Variants in GNS observed in about 807,000 individuals in gnomAD.
GNS encodes the protein glucosamine (N-acetyl)-6-sulfatase.
GNS carries 40 observed loss-of-function variants against 69.7 expected under a neutral mutation model. That is an observed-to-expected ratio of 0.57 (90% CI 0.45 to 0.75). GNS has a LOEUF of 0.75. Ranked by LOEUF, GNS falls within the 30% of genes least tolerant of loss-of-function variation. The pLI, the probability that GNS is intolerant of heterozygous loss-of-function variation, is 0.00. For synonymous variants in GNS, 243 were observed against 251.6 expected (o/e 0.97, Z 0.32); for missense variants, 565 against 685.5 (o/e 0.82, Z 1.96).
chr12:64,750,769 G>A (rs1870051067), intron 2 of GNS, among the ~76,000 whole-genome samples: 1 of 152,016 alleles, frequency 6.6e-6, no homozygotes, highest in Admixed American at 6.5e-5. Flanking sequence ...GGCCAAGTGT[G>A]GTGATGCATG....
Position 64,759,226 on chromosome 12 carries a change from G to A in GNS, c.51C>T (p.Arg17=). The change falls in exon 1 of 14, where the codon CGC becomes CGT. Residue 17 remains arginine (R), a synonymous_variant. Transcript: ENST00000258145. The part of the protein sequence containing the change: ...APGRLRRGSP[R]HLPSCSPALL... ...GCGCTGGGCTGCAGGAGGGCAGGTG[G>A]CGGGGGCTGCCCCGCCGGAGCCGAC... 1 of 1,545,196 alleles carries A rather than the reference G, an allele frequency of 6.5e-7. No homozygotes were observed. Among genetic ancestry groups the A allele is most frequent in the Non-Finnish European group, 8.7e-7 (1 of 1,144,662 alleles).
At chr12:64,743,099 T>C (rs771417219) in intron 6 of GNS, 42 bp downstream of exon 6, 2 of 1,451,168 alleles carry the variant, frequency 1.4e-6, no homozygotes, top group Non-Finnish European at 1.9e-6. Flanking sequence ...ATATAGTTAA[T>C]GATACTTAGT....
chr12:64,741,063 AGGGCGT>A (rs1869716540), intron 6 of GNS, among the ~76,000 whole-genome samples: 1 of 142,962 alleles, frequency 7.0e-6, no homozygotes, highest in Admixed American at 6.9e-5. Context: ...ATGGGCAAAT[AGGGCGT>A]AGTGGCGGGC....
At chr12:64,732,185 T>TTTTTTA (rs1869421159) in intron 9 of GNS, among the ~76,000 whole-genome samples, 1 of 131,068 alleles carries the variant, frequency 7.6e-6, no homozygotes, top group East Asian at 2.3e-4. Context: ...TTTTTTTTTT[T>TTTTTTA]GAGACGGAGT....
intron 13 of GNS, among the ~76,000 whole-genome samples, chr12:64,718,129 C>T (rs1371699876): frequency 1.3e-5 from 2 of 152,028 alleles, no homozygotes; most frequent in African/African-American, 4.8e-5. Context: ...GGTCTGATGA[C>T]CCCATTTTGG....
Position 64,741,206 on chromosome 12 carries a change from C to CAA in GNS, c.793-520_793-519dup, listed in dbSNP as rs574433285. ...TGGGCGACAGAGCGAGACTCCGTCT[C>CAA]AAAAAAAAAAAAAAAAAAGAAAATG... On this transcript the variant is annotated intron_variant, in intron 6 of 13. Transcript: ENST00000258145. 2.8e-5 allele frequency among the ~76,000 whole-genome samples: 3 copies of CAA among 105,516 alleles called. 1 individual carries two copies. The highest frequency in any genetic ancestry group is 6.8e-5 in the Non-Finnish European group (3 of 43,936). The allele number at this position is 105,516 out of a possible 152,430, so 69.2% of individuals were successfully genotyped here. A position where few individuals can be genotyped will look rare whatever the true frequency, so the allele number is the denominator to read the frequency against.
Position 64,752,723 on chromosome 12 carries a change from T to C in GNS, c.227A>G (p.Glu76Gly), listed in dbSNP as rs1870117172. The C allele has an allele frequency of 2.6e-6, 4 of 1,537,922 alleles. No individual in the cohort carries two copies. Residue 76 changes from glutamate to glycine, a missense_variant, in exon 2 of 14, where the codon GAG becomes GGG. Physicochemically the swap from Glu to Gly is moderately conservative, Grantham distance 98 (BLOSUM62 -2). Coordinates refer to ENST00000258145, the MANE Select transcript of GNS (RefSeq NM_002076.4). ...AGCACTGGAAAAAGTCATCCCCATCTCTCCGATGAGAGCTTTGGTTTTCTT... is the reference window on the plus strand; with the variant it reads ...AGCACTGGAAAAAGTCATCCCCATCCCTCCGATGAGAGCTTTGGTTTTCTT... The part of the protein sequence containing the change: ...PLKKTKALIG[E>G]MGMTFSSAYV...
rs898753822 is a variant in GNS at position 64,714,345 on chromosome 12, A to C, written c.*2396T>G. ...CTCACCTTCTTAACATGGAAAATCA[A>C]AATCTAAATGAATACAATTAAAAGG... On this transcript the variant is annotated 3_prime_UTR_variant, in exon 14 of 14. Transcript: ENST00000258145. 1 of 152,216 alleles carries C rather than the reference A, an allele frequency of 6.6e-6. No individual in the cohort carries two copies. The allele number at this position is 152,216 out of a possible 1,614,324, so 9.4% of individuals were successfully genotyped here.
Position 64,743,219 on chromosome 12 carries a change from C to T in GNS, c.714G>A (p.Trp238Ter). Residue 238 changes from tryptophan to a stop codon, truncating the protein, a stop_gained, in exon 6 of 14, where the codon TGG becomes TGA. Coordinates refer to ENST00000258145, the MANE Select transcript of GNS (RefSeq NM_002076.4). LOFTEE classifies it high-confidence loss of function. Reference sequence around the variant, plus strand: ...CCTTCTGGTACTGAGGTGCAGCTGTCCAAGGCGAATGAGGCGCTGGAGTGG... The same window carrying T: ...CCTTCTGGTACTGAGGTGCAGCTGTTCAAGGCGAATGAGGCGCTGGAGTGG... ...MIATPAPHSP[W>*]TAAPQYQKAF... The T allele has an allele frequency of 1.2e-6, 2 of 1,613,128 alleles. No homozygotes were observed. The highest frequency in any genetic ancestry group is 1.7e-6 in the Non-Finnish European group (2 of 1,179,152).
Position 64,713,936 on chromosome 12 carries a change from C to T in GNS, c.*2805G>A, listed in dbSNP as rs1451543644. On this transcript the variant is annotated 3_prime_UTR_variant, in exon 14 of 14. Coordinates refer to ENST00000258145, the MANE Select transcript of GNS (RefSeq NM_002076.4). ...CACCTGAGGTCAGGAGTTAATCAGCCTGGCCAACATGGTGAAACCCCGTCT... is the reference window on the plus strand; with the variant it reads ...CACCTGAGGTCAGGAGTTAATCAGCTTGGCCAACATGGTGAAACCCCGTCT... 6.6e-6 allele frequency: 1 copy of T among 152,128 alleles called. No homozygotes were observed. Among genetic ancestry groups the T allele is most frequent in the African/African-American group, 2.4e-5 (1 of 41,420 alleles). The allele number at this position is 152,128 out of a possible 1,614,324, so 9.4% of individuals were successfully genotyped here. A position where few individuals can be genotyped will look rare whatever the true frequency, so the allele number is the denominator to read the frequency against.
At chr12:64,739,563 C>CAA in intron 7 of GNS, 64 bp from the exon 8 acceptor site, 12 of 378,606 alleles carry the variant, frequency 3.2e-5, no homozygotes, top group South Asian at 1.5e-4. Flanking sequence ...CACTATCTTG[C>CAA]CAAAAAAAAA....
intron 13 of GNS, 34 bp from the exon 14 acceptor site, chr12:64,716,853 T>C: frequency 8.0e-7 from 1 of 1,252,094 alleles, no homozygotes. Flanking sequence ...ACATTAGCTC[T>C]CACTAGCTTC....
chr12:64,755,933 C>G (rs928545367), intron 1 of GNS, among the ~76,000 whole-genome samples: 1 of 152,088 alleles, frequency 6.6e-6, no homozygotes, highest in Non-Finnish European at 1.5e-5. Context: ...TCCCAAAGTG[C>G]TAGGATTACA....
chr12:64,755,845 A>AT (rs148699539), intron 1 of GNS, among the ~76,000 whole-genome samples: 4,854 of 151,526 alleles, frequency 0.032, 294 homozygotes, highest in African/African-American at 0.11. Flanking sequence ...TGCCCGGCCA[A>AT]TTTTTGTATT....
At chr12:64,734,979 C>G (rs1351135598) in intron 9 of GNS, among the ~76,000 whole-genome samples, 1 of 152,106 alleles carries the variant, frequency 6.6e-6, no homozygotes, top group Non-Finnish European at 1.5e-5. Flanking sequence ...GGCATGGTGG[C>G]AGGTACCTAT....
At chr12:64,742,235 T>G (rs1426674830) in intron 6 of GNS, among the ~76,000 whole-genome samples, 1 of 152,184 alleles carries the variant, frequency 6.6e-6, no homozygotes, top group Non-Finnish European at 1.5e-5. Context: ...TTAGCCAGGA[T>G]GGTCTCAATC....
chr12:64,734,602 G>A (rs1435980901), intron 9 of GNS, among the ~76,000 whole-genome samples: 1 of 152,212 alleles, frequency 6.6e-6, no homozygotes, highest in Non-Finnish European at 1.5e-5. Context: ...CAGTACAACT[G>A]CTACCTTCTG....
rs1372868061 is a variant in GNS, at chr12:64,716,673, C to T, written c.*68G>A. On this transcript the variant is annotated 3_prime_UTR_variant, in exon 14 of 14. Coordinates refer to ENST00000258145, the MANE Select transcript of GNS (RefSeq NM_002076.4). ...TGTGGTCTTGAAGACTAGCTACAGA[C>T]ACCTACTACAATCACTTCATCAGAA... 3.9e-5 allele frequency: 40 copies of T among 1,020,430 alleles called. No individual in the cohort carries two copies. The Admixed American group carries it at 5.4e-4, about 14-fold the overall frequency. The allele number at this position is 1,020,430 out of a possible 1,614,324, so 63.2% of individuals were successfully genotyped here.
chr12:64,752,922 T>C, intron 1 of GNS, 165 bp from the exon 2 acceptor site: 1 of 633,916 alleles, frequency 1.6e-6, no homozygotes, highest in Non-Finnish European at 2.8e-6. Flanking sequence ...ACAAGTTTGG[T>C]TCCGGCCAGC....
Sources: allele counts gnomAD v4.1 joint callset (sites outside exome capture counted in the v4.1 genomes callset), GRCh38; gene constraint gnomAD v4.1.1; transcripts MANE v1.5; gene names NCBI Gene and HGNC (gene_info 2026-07-23, HGNC 2026-07-21).